The following CSGALNACT1 variants were observed in gnomAD, a reference collection of about 807,000 sequenced individuals.
CSGALNACT1 encodes chondroitin sulfate N-acetylgalactosaminyltransferase 1.
In CSGALNACT1, 52 loss-of-function variants were observed where a neutral mutation model predicts 51.0. That is an observed-to-expected ratio of 1.02 (90% CI 0.82 to 1.29). CSGALNACT1 has a LOEUF of 1.29. Ranked by LOEUF, CSGALNACT1 falls within the 50% of genes most tolerant of loss-of-function variation. The pLI is 0.00. For synonymous variants in CSGALNACT1, 341 were observed against 254.4 expected (o/e 1.34, Z -3.24); for missense variants, 935 against 679.2 (o/e 1.38, Z -4.19).
intron 3 of CSGALNACT1, among the ~76,000 whole-genome samples, chr8:19,552,462 T>G (rs1409390360): frequency 6.6e-6 from 1 of 152,176 alleles, no homozygotes; most frequent in Non-Finnish European, 1.5e-5. Flanking sequence ...CAGACCTGCA[T>G]GCAGAAAATT....
At chr8:19,501,280 A>G (rs1231411725) in intron 4 of CSGALNACT1, among the ~76,000 whole-genome samples, 3 of 151,446 alleles carry the variant, frequency 2.0e-5, no homozygotes, top group African/African-American at 4.8e-5. Flanking sequence ...GAATAAGGGC[A>G]AGCTAGCAAA....
intron 3 of CSGALNACT1, among the ~76,000 whole-genome samples, chr8:19,589,446 C>T (rs775933697): frequency 2.0e-5 from 3 of 152,180 alleles, no homozygotes; most frequent in Non-Finnish European, 2.9e-5. Flanking sequence ...CTGCCTAAGC[C>T]TCCTGAGTAG....
At chr8:19,732,384 A>C (rs1032266402) in intron 1 of CSGALNACT1, 45 of 152,370 alleles carry the variant, frequency 3.0e-4, no homozygotes, top group African/African-American at 9.9e-4. Flanking sequence ...GCTGCCATAA[A>C]ATATGCACCA....
intron 3 of CSGALNACT1, among the ~76,000 whole-genome samples, chr8:19,588,179 G>C (rs1339652637): frequency 1.3e-5 from 2 of 150,990 alleles, no homozygotes; most frequent in Admixed American, 1.3e-4. Context: ...TAGGTGACAA[G>C]AATGAAACCC....
chr8:19,746,946 C>G (rs2064707284), intron 1 of CSGALNACT1, among the ~76,000 whole-genome samples: 2 of 152,214 alleles, frequency 1.3e-5, no homozygotes, highest in Admixed American at 1.3e-4. Flanking sequence ...ACAACCATCG[C>G]TTGTGGACAC....
chr8:19,719,381 T>C (rs1044734860), intron 1 of CSGALNACT1, among the ~76,000 whole-genome samples: 13 of 152,170 alleles, frequency 8.5e-5, no homozygotes, highest in Non-Finnish European at 1.6e-4. Flanking sequence ...CCGATATTTG[T>C]CATTATCTAA....
chr8:19,680,108 T>A (rs189039873), intron 1 of CSGALNACT1, among the ~76,000 whole-genome samples: 2 of 152,320 alleles, frequency 1.3e-5, no homozygotes, highest in Admixed American at 6.5e-5. Flanking sequence ...TAGATTTCTA[T>A]GTCAACCTCC....
At chr8:19,553,594 T>A (rs981167742) in intron 3 of CSGALNACT1, among the ~76,000 whole-genome samples, 5 of 140,740 alleles carry the variant, frequency 3.6e-5, no homozygotes, top group African/African-American at 1.4e-4. Flanking sequence ...TATATATATA[T>A]AAAAATACAT....
chr8:19,639,017 G>A (rs79891338), intron 1 of CSGALNACT1, among the ~76,000 whole-genome samples: 1 of 152,000 alleles, frequency 6.6e-6, no homozygotes, highest in South Asian at 2.1e-4. Flanking sequence ...CCAATAAAGA[G>A]GTATATCATG....
chr8:19,499,593 T>G (rs994906604), intron 4 of CSGALNACT1, among the ~76,000 whole-genome samples: 2 of 152,168 alleles, frequency 1.3e-5, no homozygotes, highest in African/African-American at 2.4e-5. Flanking sequence ...TGCAACAAAA[T>G]GCTCTGTGCA....
At chr8:19,622,372 GATCT>G (rs1385401039) in intron 1 of CSGALNACT1, among the ~76,000 whole-genome samples, 1 of 152,140 alleles carries the variant, frequency 6.6e-6, no homozygotes, top group Non-Finnish European at 1.5e-5. Context: ...ACTTGACCCA[GATCT>G]TATTGGTTCA....
At chr8:19,651,860 T>A (rs73214675) in intron 1 of CSGALNACT1, among the ~76,000 whole-genome samples, 2,914 of 152,258 alleles carry the variant, frequency 0.019, 51 homozygotes, top group South Asian at 0.046. Flanking sequence ...GGTTAACTAA[T>A]TTACATTTTT....
At chr8:19,532,211 C>T (rs1047884384) in intron 3 of CSGALNACT1, among the ~76,000 whole-genome samples, 2 of 151,978 alleles carry the variant, frequency 1.3e-5, no homozygotes, top group African/African-American at 4.8e-5. Flanking sequence ...TATTGTCTCG[C>T]TCTGGACCTT....
intron 7 of CSGALNACT1, 135 bp downstream of exon 6, chr8:19,420,205 T>C (rs1373519427): frequency 1.1e-5 from 9 of 803,276 alleles, no homozygotes; most frequent in Non-Finnish European, 1.9e-5. Flanking sequence ...CAGATGGTTT[T>C]CCTTTTCTTT....
chr8:19,736,529 AAT>A (rs952840207), intron 1 of CSGALNACT1, among the ~76,000 whole-genome samples: 2 of 152,050 alleles, frequency 1.3e-5, no homozygotes, highest in Admixed American at 6.6e-5. Context: ...AAAAAAAAAA[AAT>A]AAAACCAGGA....
At chr8:19,564,172 G>C (rs1173959069) in intron 3 of CSGALNACT1, among the ~76,000 whole-genome samples, 1 of 152,108 alleles carries the variant, frequency 6.6e-6, no homozygotes, top group African/African-American at 2.4e-5. Context: ...GAGGAAACCA[G>C]GTCATATCAC....
chr8:19,610,355 G>A (rs2052059152), intron 1 of CSGALNACT1, among the ~76,000 whole-genome samples: 2 of 150,138 alleles, frequency 1.3e-5, no homozygotes, highest in South Asian at 4.2e-4. Flanking sequence ...AGGTGAAGGC[G>A]TGGTCCCTGG....
At chr8:19,597,052 T>C (rs1432322110) in intron 2 of CSGALNACT1, among the ~76,000 whole-genome samples, 1 of 152,174 alleles carries the variant, frequency 6.6e-6, no homozygotes, top group African/African-American at 2.4e-5. Flanking sequence ...TCTCTATAAA[T>C]GTGACCACTC....
intron 1 of CSGALNACT1, among the ~76,000 whole-genome samples, chr8:19,657,378 T>C (rs2058377660): frequency 6.6e-6 from 1 of 152,074 alleles, no homozygotes; most frequent in Non-Finnish European, 1.5e-5. Flanking sequence ...AAAGAATGGA[T>C]CAGAGGCAAG....
Sources: allele counts gnomAD v4.1 joint callset (sites outside exome capture counted in the v4.1 genomes callset), GRCh38; gene constraint gnomAD v4.1.1; transcripts MANE v1.5; gene names NCBI Gene and HGNC (gene_info 2026-07-23, HGNC 2026-07-21).